IL9R: variants seen among roughly 807,000 people sequenced by gnomAD.
IL9R encodes the protein interleukin-9 receptor.
IL9R carries 54 observed loss-of-function variants against 56.3 expected under a neutral mutation model. That is an observed-to-expected ratio of 0.96 (90% confidence interval 0.77 to 1.20). The LOEUF is 1.20. IL9R is among the 50% of genes most tolerant of loss of function. The pLI, the probability that IL9R is intolerant of heterozygous loss-of-function variation, is 0.00. For synonymous variants in IL9R, 212 were observed against 250.2 expected, an observed-to-expected ratio of 0.85 and a Z score of 1.44; for missense variants, 545 against 629.8, an observed-to-expected ratio of 0.87 and a Z score of 1.44.
rs1222238060 is a variant in IL9R, at chrX:156,006,604, C to T, written c.887+416C>T. 3.3e-5 allele frequency among the ~76,000 whole-genome samples: 5 copies of T among 149,482 alleles called. No homozygotes were observed. In the East Asian group the frequency reaches 9.7e-4, roughly 29 times the overall value. On this transcript the variant is annotated intron_variant, in intron 7 of 8. Transcript: ENST00000244174. ...TTGGGGCATCTGGTGTGCTCAGGAC[C>T]CTGTTCTCAGAACAAGATGGACAAG...
chrX:155,999,924 G>A (rs1027588570), intron 1 of IL9R, among the ~76,000 whole-genome samples: 8 of 151,972 alleles, frequency 5.3e-5, no homozygotes, highest in Admixed American at 3.3e-4. Context: ...CCAGGAGTAC[G>A]AGACCAGCCT....
chrX:155,999,327 C>G (rs888789656), intron 1 of IL9R, among the ~76,000 whole-genome samples: 2 of 152,088 alleles, frequency 1.3e-5, no homozygotes, highest in African/African-American at 2.4e-5. Flanking sequence ...TGTGGCCCAG[C>G]GTTCCCACAG....
chrX:156,004,589 T>TG, intron 5 of IL9R, 24 bp downstream of exon 5: 12 of 1,611,032 alleles, frequency 7.4e-6, no homozygotes, highest in Non-Finnish European at 1.0e-5. Flanking sequence ...TGGCTTTCCC[T>TG]GGGGGCCTCT....
At chrX:156,005,529 T>G (rs1334825261) in intron 6 of IL9R, 50 bp downstream of exon 6, 19 of 1,494,938 alleles carry the variant, frequency 1.3e-5, no homozygotes, top group Non-Finnish European at 1.7e-5. Context: ...GGGCTGGGCG[T>G]CTTCTCCCCT....
rs193119007 is a variant in IL9R, at chrX:156,002,242, C to T, written c.29-664C>T. 3.9e-4 allele frequency among the ~76,000 whole-genome samples: 59 copies of T among 151,934 alleles called. No individual in the cohort carries two copies. The East Asian group carries it at 9.7e-3, about 25-fold the overall frequency. ...GGAGATGCCTGTAATCCCAGCTACT[C>T]GGGAGGCTGAGGCAGGATAATCACT... On this transcript the variant is annotated intron_variant, in intron 1 of 8. Coordinates refer to ENST00000244174, the MANE Select transcript of IL9R (RefSeq NM_002186.3).
intron 6 of IL9R, 73 bp downstream of exon 6, chrX:156,005,552 C>G: frequency 7.7e-7 from 1 of 1,302,534 alleles, no homozygotes. Flanking sequence ...TCACCTCAGC[C>G]CTGCACCCTT....
chrX:156,000,147 T>A (rs867377098), intron 1 of IL9R, among the ~76,000 whole-genome samples: 140 of 121,104 alleles, frequency 1.2e-3, no homozygotes, highest in South Asian at 4.1e-3. Flanking sequence ...AAAAAAAAAA[T>A]ATATATATAT....
chrX:156,003,810 G>A lies in IL9R; in HGVS notation c.388G>A (p.Glu130Lys). The A allele has an allele frequency of 6.2e-7, 1 of 1,613,906 alleles. No homozygotes were observed. The highest frequency in any genetic ancestry group is 8.5e-7 in the Non-Finnish European group (1 of 1,179,806). Residue 130 changes from glutamate (E) to lysine (K), a missense_variant, in exon 4 of 9, where the codon GAG becomes AAG. By Grantham distance (56) the Glu-to-Lys change is moderately conservative. This residue lies in a region of IL9R where 431 missense variants were observed against 360.0 expected (regional missense o/e 1.20). Coordinates refer to ENST00000244174, the MANE Select transcript of IL9R (RefSeq NM_002186.3). The part of the protein sequence containing the change: ...ITFHHCMSGR[E>K]QVSLVDPEYL... ...TTTCCACCACTGCATGTCTGGGAGGGAGCAGGTCAGCCTGGTGGACCCGGA... is the reference window on the plus strand; with the variant it reads ...TTTCCACCACTGCATGTCTGGGAGGAAGCAGGTCAGCCTGGTGGACCCGGA...
rs535423846 is a variant in IL9R, at chrX:156,005,389, C to A, written c.691C>A (p.Leu231Met). 1.8e-5 allele frequency: 29 copies of A among 1,613,030 alleles called. No individual in the cohort carries two copies. The East Asian group carries it at 6.5e-4, about 36-fold the overall frequency. Residue 231 changes from leucine to methionine, a missense_variant, in exon 6 of 9, where the codon CTG becomes ATG. Leu to Met is a conservative substitution (Grantham distance 15, BLOSUM62 2). Transcript: ENST00000244174. The stretch of plus-strand genomic sequence containing the variant: ...CAGGCTGCGTGTCCAGATGGCCACA[C>A]TGGAGGATGATGTGGTAGAGGAGGA... ...EARLRVQMATLEDDVVEEERY... is the reference protein window; with the variant it reads ...EARLRVQMATMEDDVVEEERY...
chrX:156,005,586 C>G, intron 6 of IL9R, 107 bp downstream of exon 6: 1 of 935,004 alleles, frequency 1.1e-6, no homozygotes, highest in South Asian at 1.5e-5. Flanking sequence ...AGCCCCTCCC[C>G]GAGGCAGCCA....
chrX:156,005,754 C>T (rs2067889142), intron 6 of IL9R, among the ~76,000 whole-genome samples: 1 of 152,132 alleles, frequency 6.6e-6, no homozygotes, highest in Non-Finnish European at 1.5e-5. Context: ...TGCCTGGAGG[C>T]TGGACATGAC....
intron 1 of IL9R, among the ~76,000 whole-genome samples, chrX:156,001,835 C>T (rs1324360807): frequency 6.6e-6 from 1 of 152,206 alleles, no homozygotes; most frequent in Non-Finnish European, 1.5e-5. Flanking sequence ...CAACCTCTGG[C>T]TCCCCTAGGG....
intron 1 of IL9R, among the ~76,000 whole-genome samples, chrX:155,998,363 G>GT (rs1287823204): frequency 6.6e-6 from 1 of 151,828 alleles, no homozygotes; most frequent in Non-Finnish European, 1.5e-5. Flanking sequence ...GGAGGAGAGG[G>GT]TTTGTTTTGG....
At chrX:156,005,617 C>T (rs2067878497) in intron 6 of IL9R, 138 bp downstream of exon 6, 1 of 717,980 alleles carries the variant, frequency 1.4e-6, no homozygotes, top group Admixed American at 2.3e-5. Flanking sequence ...GACCCCCTTC[C>T]TCTGAAGGTC....
chrX:155,999,506 C>T (rs1449595952), intron 1 of IL9R, among the ~76,000 whole-genome samples: 1 of 152,122 alleles, frequency 6.6e-6, no homozygotes, highest in Non-Finnish European at 1.5e-5. Flanking sequence ...CCCATCCCTC[C>T]TGCCTCCTGC....
intron 1 of IL9R, among the ~76,000 whole-genome samples, chrX:156,001,059 G>T (rs3093480): frequency 6.6e-6 from 1 of 152,102 alleles, no homozygotes; most frequent in Admixed American, 6.5e-5. Context: ...CCTTGTCGCT[G>T]TACCCAACTC....
chrX:156,005,367 G>GCTGCGTGTCCAGATGGCCACA lies in IL9R; in HGVS notation c.673_693dup (p.Arg225_Leu231dup). ...ACCCTGGCTTTATCCATGAGGCCAGGCTGCGTGTCCAGATGGCCACACTGG... is the reference window on the plus strand; with the variant it reads ...ACCCTGGCTTTATCCATGAGGCCAGGCTGCGTGTCCAGATGGCCACACTGCGTGTCCAGATGGCCACACTGG... On this transcript the variant is annotated inframe_insertion, in exon 6 of 9. Coordinates refer to ENST00000244174, the MANE Select transcript of IL9R (RefSeq NM_002186.3). 2.5e-6 allele frequency: 4 copies of GCTGCGTGTCCAGATGGCCACA among 1,612,862 alleles called. No homozygotes were observed. The highest frequency in any genetic ancestry group is 3.4e-6 in the Non-Finnish European group (4 of 1,179,782).
rs779028000 is a variant in IL9R, at chrX:156,003,435, G to T, written c.143-14G>T. The T allele has an allele frequency of 6.3e-7, 1 of 1,593,286 alleles. No homozygotes were observed. Among genetic ancestry groups the T allele is most frequent in the African/African-American group, 1.3e-5 (1 of 74,398 alleles). ...AAGTACTTACCGTGGGCTCCTGATGGTCACTGTCTCCAGGGCCAAGGTCTA... is the reference window on the plus strand; with the variant it reads ...AAGTACTTACCGTGGGCTCCTGATGTTCACTGTCTCCAGGGCCAAGGTCTA... On this transcript the variant is annotated splice_polypyrimidine_tract_variant and intron_variant, in intron 2 of 8. Transcript: ENST00000244174.
At chrX:156,002,761 T>C in intron 1 of IL9R, 145 bp from the exon 2 acceptor site, 1 of 1,171,300 alleles carries the variant, frequency 8.5e-7, no homozygotes, top group Non-Finnish European at 1.3e-6. Flanking sequence ...TCCAGGACGC[T>C]GGACACTGTG....
Sources: gnomAD v4.1 joint callset for allele counts (sites outside exome capture counted in the v4.1 genomes callset) on GRCh38, gnomAD v4.1.1 for gene constraint, gnomAD v4.1.1 regional missense constraint, MANE v1.5 for transcripts, NCBI Gene and HGNC (gene_info 2026-07-23, HGNC 2026-07-21) for gene names.